UGCG: variants seen among roughly 807,000 people sequenced by gnomAD.
The protein encoded by UGCG is UDP-glucose ceramide glucosyltransferase.
UGCG carries 10 observed loss-of-function variants against 49.5 expected under a neutral mutation model. That is an observed-to-expected ratio of 0.20 (90% CI 0.12 to 0.34). UGCG has a LOEUF of 0.34. Among genes scored for constraint, UGCG ranks in the 10% least tolerant of loss-of-function variants. The probability of loss-of-function intolerance (pLI) is 1.00; values close to 1 mark genes in which losing one functional copy is unlikely to be tolerated. For synonymous variants in UGCG, 182 were observed against 158.2 expected (o/e 1.15, Z -1.13); for missense variants, 312 against 483.7 (o/e 0.65, Z 3.33).
At chr9:111,930,571 G>A (rs1316510584) in intron 6 of UGCG, among the ~76,000 whole-genome samples, 2 of 150,710 alleles carry the variant, frequency 1.3e-5, no homozygotes, top group Middle Eastern at 3.4e-3. Flanking sequence ...GGGTTCAAAC[G>A]ATTCTCCTGC....
rs561254152 is a variant in UGCG, at chr9:111,901,436, A to G, written c.98+4123A>G. Among the ~76,000 whole-genome samples the G allele has an allele frequency of 3.3e-5, 5 of 152,324 alleles. No individual in the cohort carries two copies. The East Asian group carries it at 9.6e-4, about 29-fold the overall frequency. On this transcript the variant is annotated intron_variant, in intron 1 of 8. Transcript: ENST00000374279. ...CATTGCTACAGGGCTACTTTCAGGG[A>G]AATGAATAAGGCAGTCCAGCAATTC...
intron 5 of UGCG, among the ~76,000 whole-genome samples, chr9:111,928,625 G>A (rs2118595339): frequency 6.6e-6 from 1 of 152,186 alleles, no homozygotes; most frequent in East Asian, 1.9e-4. Context: ...CAAACACTAG[G>A]GCTTCACTGG....
At chr9:111,912,167 G>A (rs1432045300) in intron 1 of UGCG, among the ~76,000 whole-genome samples, 1 of 151,266 alleles carries the variant, frequency 6.6e-6, no homozygotes, top group Non-Finnish European at 1.5e-5. Context: ...ATAGAATAGT[G>A]ATTACTTTTG....
At chr9:111,908,208 A>G (rs1837923260) in intron 1 of UGCG, among the ~76,000 whole-genome samples, 1 of 152,204 alleles carries the variant, frequency 6.6e-6, no homozygotes, top group African/African-American at 2.4e-5. Flanking sequence ...CCATCAACAG[A>G]AAGTAAATAA....
At chr9:111,932,125 G>A (rs201326117) in intron 7 of UGCG, 45 bp from the exon 8 acceptor site, 44 of 1,532,044 alleles carry the variant, frequency 2.9e-5, no homozygotes, top group Admixed American at 7.0e-5. Flanking sequence ...GATTTGTCTT[G>A]TAGCCAGGAT....
chr9:111,918,716 G>A (rs1838155205), intron 2 of UGCG, among the ~76,000 whole-genome samples: 2 of 151,998 alleles, frequency 1.3e-5, no homozygotes, highest in African/African-American at 2.4e-5. Flanking sequence ...GGCGGATCAC[G>A]AGGTCAGGAG....
At chr9:111,930,952 G>A (rs1283382566) in intron 6 of UGCG, among the ~76,000 whole-genome samples, 4 of 152,162 alleles carry the variant, frequency 2.6e-5, no homozygotes, top group Admixed American at 2.0e-4. Context: ...TGTTTGGTTA[G>A]TAGTCATCAG....
chr9:111,906,904 C>T (rs1335620362), intron 1 of UGCG, among the ~76,000 whole-genome samples: 45 of 152,148 alleles, frequency 3.0e-4, no homozygotes, highest in Admixed American at 2.9e-3. Context: ...TTATTTCTTG[C>T]CTAGAGGATG....
At chr9:111,930,807 A>AGAAT (rs905097373) in intron 6 of UGCG, among the ~76,000 whole-genome samples, 5 of 152,206 alleles carry the variant, frequency 3.3e-5, no homozygotes, top group African/African-American at 1.2e-4. Flanking sequence ...GCCTTGTGTG[A>AGAAT]GAATTCTTTT....
At chr9:111,928,187 G>A (rs1838358976) in intron 5 of UGCG, among the ~76,000 whole-genome samples, 1 of 152,108 alleles carries the variant, frequency 6.6e-6, no homozygotes, top group Non-Finnish European at 1.5e-5. Context: ...TCTGGCCTTT[G>A]GCAGTTTGAA....
intron 2 of UGCG, among the ~76,000 whole-genome samples, chr9:111,919,479 T>C (rs1006565645): frequency 1.1e-4 from 17 of 148,176 alleles, no homozygotes; most frequent in Non-Finnish European, 4.5e-5. Context: ...AAAGACCCTG[T>C]CTCAAAAAAA....
intron 2 of UGCG, among the ~76,000 whole-genome samples, chr9:111,919,310 T>C (rs944547420): frequency 6.6e-6 from 1 of 151,836 alleles, no homozygotes; most frequent in Non-Finnish European, 1.5e-5. Context: ...GACCAGCTCG[T>C]CGTCTGTACT....
At chr9:111,898,506 C>T (rs1284437108) in intron 1 of UGCG, among the ~76,000 whole-genome samples, 3 of 151,598 alleles carry the variant, frequency 2.0e-5, no homozygotes, top group African/African-American at 7.3e-5. Context: ...GATGCTGGTA[C>T]AGGTTATACT....
rs374685351 is a variant in UGCG, at chr9:111,910,974, T to G, written c.99-3631T>G. ...GTTGACCAGGCTGGTCTCAAACTCC[T>G]GACCTCAAGTGATCCACCTGCCTCC... On this transcript the variant is annotated intron_variant, in intron 1 of 8. Transcript: ENST00000374279. Among the ~76,000 whole-genome samples the G allele has an allele frequency of 2.4e-4, 36 of 152,292 alleles. No homozygotes were observed. The East Asian group carries it at 5.6e-3, about 24-fold the overall frequency.
chr9:111,934,120 C>T lies in UGCG; in HGVS notation c.*1123C>T, dbSNP rs1039394307. The T allele has an allele frequency of 2.7e-5, 4 of 150,076 alleles. No individual in the cohort carries two copies. Among genetic ancestry groups the T allele is most frequent in the Non-Finnish European group, 5.9e-5 (4 of 67,612 alleles). 9.3% of individuals were successfully genotyped at this position (150,076 alleles called of 1,614,324 possible). A position where few individuals can be genotyped will look rare whatever the true frequency, so the allele number is the denominator to read the frequency against. On this transcript the variant is annotated 3_prime_UTR_variant, in exon 9 of 9. Transcript: ENST00000374279. ...ATTAATCAGTATCAAACTAAGTCTA[C>T]TGTGTGTGTTTTTTTTTTTTGTTTT...
Position 111,932,831 on chromosome 9 carries a change from G to A in UGCG, c.1019G>A (p.Gly340Asp). The A allele has an allele frequency of 1.3e-6, 2 of 1,590,320 alleles. No individual in the cohort carries two copies. Residue 340 changes from glycine to aspartate, a missense_variant, in exon 9 of 9, where the codon GGC becomes GAC. Around this residue, in one of 4 missense-constraint regions of UGCG, gnomAD observed 180 missense variants for 320.4 expected, o/e 0.56. Coordinates refer to ENST00000374279, the MANE Select transcript of UGCG (RefSeq NM_003358.3). ...DYIQLRGVQG[G>D]TLCFSKLDYA... ...AATTTTTTTTTCCATTCCTAGGGTG[G>A]CACACTGTGTTTTTCAAAACTTGAT...
chr9:111,931,409 G>T (rs1564206625), intron 7 of UGCG, 52 bp downstream of exon 7: 3 of 1,566,168 alleles, frequency 1.9e-6, no homozygotes, highest in Non-Finnish European at 2.6e-6. Context: ...GTGGGGAGGG[G>T]GGTGGTAATT....
At chr9:111,906,593 C>G (rs145486417) in intron 1 of UGCG, among the ~76,000 whole-genome samples, 316 of 152,144 alleles carry the variant, frequency 2.1e-3, no homozygotes, top group African/African-American at 7.2e-3. Flanking sequence ...CCATGCCTGG[C>G]TAATTTTTGT....
chr9:111,911,156 A>C (rs1047335932), intron 1 of UGCG, among the ~76,000 whole-genome samples: 7 of 152,134 alleles, frequency 4.6e-5, no homozygotes, highest in African/African-American at 1.7e-4. Context: ...CAGGGAGTCC[A>C]GATTTACCCA....
Sources: allele counts gnomAD v4.1 joint callset (sites outside exome capture counted in the v4.1 genomes callset), GRCh38; gene constraint gnomAD v4.1.1; regional missense constraint gnomAD v4.1.1; transcripts MANE v1.5; gene names NCBI Gene and HGNC (gene_info 2026-07-23, HGNC 2026-07-21).